EML6: variants seen among roughly 807,000 people sequenced by gnomAD.
EML6 encodes the protein echinoderm microtubule-associated protein-like 6.
In EML6, 154 loss-of-function variants were observed where a neutral mutation model predicts 240.1. The observed-to-expected ratio is 0.64, with a 90% confidence interval of 0.56 to 0.73. The LOEUF is 0.73. Ranked by LOEUF, EML6 falls within the 30% of genes least tolerant of loss-of-function variation. The pLI is 0.00. For synonymous variants in EML6, 1,148 were observed against 899.0 expected (o/e 1.28, Z -4.95); for missense variants, 2,964 against 2,474.6 (o/e 1.20, Z -4.20).
At chr2:54,755,558 C>T (rs1365688482) in intron 2 of EML6, among the ~76,000 whole-genome samples, 1 of 152,290 alleles carries the variant, frequency 6.6e-6, no homozygotes, top group Non-Finnish European at 1.5e-5. Flanking sequence ...TCTTATCCAT[C>T]TTTTGATGTT....
At chr2:54,855,972 C>T (rs151041591) in intron 11 of EML6, among the ~76,000 whole-genome samples, 171 of 152,272 alleles carry the variant, frequency 1.1e-3, no homozygotes, top group African/African-American at 3.9e-3. Context: ...TGACCATGAG[C>T]AGTTGTGGGA....
At chr2:54,793,419 G>T (rs17345111) in intron 2 of EML6, among the ~76,000 whole-genome samples, 1 of 126,820 alleles carries the variant, frequency 7.9e-6, no homozygotes, top group Non-Finnish European at 1.6e-5. Context: ...CCAGCATATC[G>T]TAACTACTTT....
Position 54,970,794 on chromosome 2 carries a change from A to G in EML6, c.*699A>G, listed in dbSNP as rs1304685529. Reference sequence around the variant, plus strand: ...TGAGGAGGGCTGCAGGACCCTTAGCAGATTCAGTGTGTCACCCTTGTCCTG... The same window carrying G: ...TGAGGAGGGCTGCAGGACCCTTAGCGGATTCAGTGTGTCACCCTTGTCCTG... On this transcript the variant is annotated 3_prime_UTR_variant, in exon 42 of 42. Transcript: ENST00000356458. The G allele has an allele frequency of 6.6e-6, 1 of 152,358 alleles. No individual in the cohort carries two copies. The highest frequency in any genetic ancestry group is 2.4e-5 in the African/African-American group (1 of 41,462). The allele number at this position is 152,358 out of a possible 1,614,324, so 9.4% of individuals were successfully genotyped here. A position where few individuals can be genotyped will look rare whatever the true frequency, so the allele number is the denominator to read the frequency against.
At chr2:54,958,173 G>C (rs553816319) in intron 33 of EML6, among the ~76,000 whole-genome samples, 175 bp downstream of exon 33, 2 of 152,040 alleles carry the variant, frequency 1.3e-5, no homozygotes, top group African/African-American at 4.8e-5. Context: ...AGCACATATG[G>C]GTGGGTTGGC....
intron 24 of EML6, among the ~76,000 whole-genome samples, chr2:54,904,643 G>T (rs13030462): frequency 0.044 from 6,712 of 152,312 alleles, 203 homozygotes; most frequent in Non-Finnish European, 0.06. Context: ...GTGGCTGAGG[G>T]TGTGAAGGGA....
At chr2:54,860,271 A>G (rs1245312221) in intron 12 of EML6, among the ~76,000 whole-genome samples, 1 of 152,104 alleles carries the variant, frequency 6.6e-6, no homozygotes, top group Non-Finnish European at 1.5e-5. Flanking sequence ...CAACTCTGGG[A>G]GTAGAGGGAG....
chr2:54,948,359 A>C (rs1327114138), intron 28 of EML6, among the ~76,000 whole-genome samples: 1 of 152,076 alleles, frequency 6.6e-6, no homozygotes, highest in Non-Finnish European at 1.5e-5. Flanking sequence ...CTGTCTGAGA[A>C]GTGAGGCCGA....
intron 20 of EML6, 112 bp downstream of exon 20, chr2:54,895,138 T>G: frequency 7.6e-7 from 1 of 1,311,660 alleles, no homozygotes; most frequent in Non-Finnish European, 1.1e-6. Context: ...CTTCCATGTT[T>G]AGAACTCTCT....
chr2:54,742,944 G>A (rs563219653), intron 2 of EML6, among the ~76,000 whole-genome samples: 42 of 152,144 alleles, frequency 2.8e-4, no homozygotes, highest in Non-Finnish European at 4.3e-4. Context: ...ACCATCAGCC[G>A]ATTGATATAA....
chr2:54,902,152 C>G (rs1252106267), intron 22 of EML6, among the ~76,000 whole-genome samples: 2 of 144,946 alleles, frequency 1.4e-5, no homozygotes, highest in Non-Finnish European at 3.1e-5. Flanking sequence ...GTATGTAAGG[C>G]TTAATATTTA....
chr2:54,855,812 T>A (rs1670344707), intron 11 of EML6, among the ~76,000 whole-genome samples: 1 of 152,198 alleles, frequency 6.6e-6, no homozygotes, highest in Non-Finnish European at 1.5e-5. Flanking sequence ...GTGCCAAAAC[T>A]ACTGGTGGGG....
In EML6 at chr2:54,827,712, A is replaced by C. The variant is rs144711867; in HGVS notation, c.672A>C (p.Lys224Asn). 8.4e-5 allele frequency: 130 copies of C among 1,551,716 alleles called. No homozygotes were observed. Among genetic ancestry groups the C allele is most frequent in the Admixed American group, 2.5e-4 (13 of 51,002 alleles). Residue 224 changes from lysine to asparagine, a missense_variant, in exon 6 of 42, where the codon AAA becomes AAC. By Grantham distance (94) the Lys-to-Asn change is moderately conservative. Transcript: ENST00000356458. The stretch of plus-strand genomic sequence containing the variant: ...TAAATGGTGACATCTATGTCTGGAA[A>C]GGGCTCAATTTAGTCCGCACCATTC... Reference protein sequence around the residue: ...GALNGDIYVWKGLNLVRTIQG... With the variant: ...GALNGDIYVWNGLNLVRTIQG...
At chr2:54,879,706 T>C (rs1316779202) in intron 17 of EML6, 66 bp downstream of exon 17, 11 of 951,526 alleles carry the variant, frequency 1.2e-5, no homozygotes, top group Non-Finnish European at 1.8e-5. Flanking sequence ...TCAATAGTTT[T>C]CATTTTCTGG....
At chr2:54,788,452 C>A (rs1298158459) in intron 2 of EML6, among the ~76,000 whole-genome samples, 1 of 151,862 alleles carries the variant, frequency 6.6e-6, no homozygotes, top group East Asian at 1.9e-4. Flanking sequence ...CATGTGTCCA[C>A]GCTTAGGATT....
intron 31 of EML6, 93 bp downstream of exon 31, chr2:54,952,785 C>T (rs1235045648): frequency 5.1e-6 from 4 of 788,698 alleles, no homozygotes; most frequent in East Asian, 5.4e-5. Flanking sequence ...GGGTTGCTTA[C>T]ATCCATCCCT....
At chr2:54,958,545 G>A (rs1284190409) in intron 33 of EML6, among the ~76,000 whole-genome samples, 2 of 152,082 alleles carry the variant, frequency 1.3e-5, no homozygotes, top group Non-Finnish European at 2.9e-5. Context: ...ACCCACCCAG[G>A]ACAGGAGGTT....
At chr2:54,881,630 CAG>C (rs1671812390) in intron 17 of EML6, 1 of 124,774 alleles carries the variant, frequency 8.0e-6, no homozygotes, top group South Asian at 2.5e-4. Context: ...GCCTGGGTGA[CAG>C]AGTGAGACTC....
chr2:54,964,600 T>C lies in EML6; in HGVS notation c.5360T>C (p.Val1787Ala). ...RISPDNRFLA[V>A]GSSEHTVDFY... ...AGCCCAGACAACCGATTCTTAGCCG[T>C]TGGTTCTTCTGAACACACAGTTGAC... The change falls in exon 38 of 42, where the codon GTT becomes GCT. Residue 1787 changes from valine (V) to alanine (A), a missense_variant. Coordinates refer to ENST00000356458, the MANE Select transcript of EML6 (RefSeq NM_001039753.4). The C allele has an allele frequency of 1.3e-6, 2 of 1,552,404 alleles. No individual in the cohort carries two copies. Among genetic ancestry groups the C allele is most frequent in the Non-Finnish European group, 1.7e-6 (2 of 1,147,128 alleles).
intron 26 of EML6, among the ~76,000 whole-genome samples, chr2:54,923,367 G>GCGCA (rs1200496290): frequency 1.2e-4 from 18 of 144,460 alleles, no homozygotes; most frequent in African/African-American, 2.8e-4. Context: ...CTCACCAAAC[G>GCGCA]CACACACACA....
Sources: gnomAD v4.1 joint callset for allele counts (sites outside exome capture counted in the v4.1 genomes callset) on GRCh38, gnomAD v4.1.1 for gene constraint, MANE v1.5 for transcripts, NCBI Gene and HGNC (gene_info 2026-07-23, HGNC 2026-07-21) for gene names.